USP49: variants seen among roughly 807,000 people sequenced by gnomAD.
USP49 encodes ubiquitin carboxyl-terminal hydrolase 49.
USP49 carries 24 observed loss-of-function variants against 58.6 expected under a neutral mutation model. That is an observed-to-expected ratio of 0.41 (90% CI 0.30 to 0.58). The LOEUF is 0.58. USP49 is among the 20% of genes least tolerant of loss of function. The probability of loss-of-function intolerance (pLI) is 0.30; values close to 1 mark genes in which losing one functional copy is unlikely to be tolerated. For missense variants in USP49, 703 were observed against 866.1 expected, an observed-to-expected ratio of 0.81 and a Z score of 2.36; for synonymous variants, 408 against 365.1, an observed-to-expected ratio of 1.12 and a Z score of -1.34.
At chr6:41,833,824 T>A (rs1030977894) in intron 3 of USP49, among the ~76,000 whole-genome samples, 9 of 152,216 alleles carry the variant, frequency 5.9e-5, no homozygotes, top group African/African-American at 2.2e-4. Flanking sequence ...GAAAACCCTA[T>A]TTATTAACCT....
chr6:41,891,643 AAC>A (rs112535454), intron 2 of USP49, among the ~76,000 whole-genome samples, 149 bp downstream of exon 2: 4,471 of 152,314 alleles, frequency 0.029, 106 homozygotes, highest in East Asian at 0.063. Context: ...AGAGGAAACA[AAC>A]ACATATATAG....
At chr6:41,826,658 A>C (rs1274440279) in intron 3 of USP49, among the ~76,000 whole-genome samples, 1 of 152,206 alleles carries the variant, frequency 6.6e-6, no homozygotes, top group Non-Finnish European at 1.5e-5. Context: ...AAAAAAAAAA[A>C]TACAGTGGAC....
intron 3 of USP49, among the ~76,000 whole-genome samples, chr6:41,813,109 G>C (rs1371666416): frequency 6.6e-6 from 1 of 152,144 alleles, no homozygotes; most frequent in East Asian, 1.9e-4. Context: ...TTAATTTTAA[G>C]TCACATGTGG....
At chr6:41,842,752 C>T (rs1773848958) in intron 3 of USP49, among the ~76,000 whole-genome samples, 1 of 152,008 alleles carries the variant, frequency 6.6e-6, no homozygotes, top group African/African-American at 2.4e-5. Flanking sequence ...GAATTTATTC[C>T]TGTAATACAT....
intron 2 of USP49, among the ~76,000 whole-genome samples, chr6:41,872,679 A>C (rs1774432543): frequency 6.6e-6 from 1 of 151,556 alleles, no homozygotes; most frequent in Non-Finnish European, 1.5e-5. Context: ...CGGGCGGATC[A>C]TGAGGTCAGG....
chr6:41,823,787 C>G (rs889601479), intron 3 of USP49, among the ~76,000 whole-genome samples: 1 of 152,076 alleles, frequency 6.6e-6, no homozygotes, highest in African/African-American at 2.4e-5. Flanking sequence ...GGTAATCTCT[C>G]TCAATATCCA....
Position 41,881,288 on chromosome 6 carries a change from C to CAAAAAAAAA in USP49, c.-102-9660_-102-9652dup, listed in dbSNP as rs57022965. Among the ~76,000 whole-genome samples, 183 of 20,376 alleles carry CAAAAAAAAA rather than the reference C, an allele frequency of 9.0e-3. 23 individuals carry two copies. The highest frequency in any genetic ancestry group is 0.011 in the Admixed American group (9 of 850). 13.4% of individuals were successfully genotyped at this position (20,376 alleles called of 152,430 possible). ...TGTTCAGAAATATGGCATTAAATAC[C>CAAAAAAAAA]AAAAAAAAAAAAAAAAAAAAAAAAA... On this transcript the variant is annotated intron_variant, in intron 2 of 7. Coordinates refer to ENST00000682992, the MANE Select transcript of USP49 (RefSeq NM_001286554.2).
chr6:41,807,115 T>C, intron 3 of USP49, 104 bp from the exon 4 acceptor site: 1 of 1,187,432 alleles, frequency 8.4e-7, no homozygotes, highest in Non-Finnish European at 1.1e-6. Flanking sequence ...GCAATTGATA[T>C]TTCAACTCTA....
Position 41,805,753 on chromosome 6 carries a change from CCTTGTGCAGCAGCTCGCA to C in USP49, c.1213_1230del (p.Cys405_Lys410del). ...CCCTCAGACTCGAGTTCCTGCTGCA[CCTTGTGCAGCAGCTCGCA>C]GAGAAATTCCTGCGCGTCCTGTTGG... On this transcript the variant is annotated inframe_deletion, in exon 4 of 8. Coordinates refer to ENST00000682992, the MANE Select transcript of USP49 (RefSeq NM_001286554.2). The C allele has an allele frequency of 6.2e-7, 1 of 1,614,110 alleles. No individual in the cohort carries two copies. Among genetic ancestry groups the C allele is most frequent in the Non-Finnish European group, 8.5e-7 (1 of 1,180,022 alleles).
intron 3 of USP49, among the ~76,000 whole-genome samples, chr6:41,823,765 T>C (rs940287381): frequency 6.6e-6 from 1 of 152,118 alleles, no homozygotes; most frequent in African/African-American, 2.4e-5. Flanking sequence ...CCTAACATTA[T>C]TGCAGTGTAC....
chr6:41,826,843 A>T (rs1476058824), intron 3 of USP49, among the ~76,000 whole-genome samples: 2 of 152,160 alleles, frequency 1.3e-5, no homozygotes, highest in African/African-American at 4.8e-5. Context: ...CCTGACCACA[A>T]ATTGAAGGTC....
intron 3 of USP49, chr6:41,868,615 C>T (rs1774362439): frequency 6.6e-6 from 1 of 152,280 alleles, no homozygotes; most frequent in Admixed American, 6.5e-5. Context: ...GCGTGAGCCA[C>T]TGCGCCCAGC....
chr6:41,829,969 G>A lies in USP49; in HGVS notation c.-28-22958C>T, dbSNP rs1347740404. Among the ~76,000 whole-genome samples the A allele has an allele frequency of 2.0e-5, 3 of 152,142 alleles. No individual in the cohort carries two copies. The East Asian group carries it at 5.8e-4, about 29-fold the overall frequency. ...CCTTTTAAAAATTAATATGTTGGATGATATCAGTGATGTATTTTCTGATAT... is the reference window on the plus strand; with the variant it reads ...CCTTTTAAAAATTAATATGTTGGATAATATCAGTGATGTATTTTCTGATAT... On this transcript the variant is annotated intron_variant, in intron 3 of 7. Transcript: ENST00000682992.
intron 3 of USP49, among the ~76,000 whole-genome samples, chr6:41,853,101 G>A (rs575222431): frequency 3.3e-5 from 5 of 152,220 alleles, no homozygotes; most frequent in African/African-American, 9.6e-5. Flanking sequence ...CAGGAGAATC[G>A]CTTGAACCCA....
intron 3 of USP49, among the ~76,000 whole-genome samples, chr6:41,826,592 A>T (rs974445426): frequency 1.3e-5 from 2 of 152,236 alleles, no homozygotes; most frequent in South Asian, 2.1e-4. Context: ...CATGACAATG[A>T]TATAAAATGT....
At chr6:41,895,214 C>G (rs1179324823) in intron 1 of USP49, 110 bp downstream of exon 1, 2 of 152,364 alleles carry the variant, frequency 1.3e-5, no homozygotes, top group African/African-American at 2.4e-5. Context: ...TTAGAATGGG[C>G]TCCCTGGCCG....
intron 2 of USP49, among the ~76,000 whole-genome samples, chr6:41,872,155 C>T (rs973578850): frequency 6.6e-6 from 1 of 152,136 alleles, no homozygotes; most frequent in Non-Finnish European, 1.5e-5. Flanking sequence ...ATATATTAGC[C>T]AAAGACATCT....
chr6:41,873,218 A>G (rs1013506751), intron 2 of USP49, among the ~76,000 whole-genome samples: 1 of 152,156 alleles, frequency 6.6e-6, no homozygotes, highest in Non-Finnish European at 1.5e-5. Context: ...CAGAACAGGA[A>G]TGTTTTAGTA....
At position 41,805,730 on chromosome 6, in the gene USP49, C is replaced by T. The variant is rs1324989956; in HGVS notation, c.1254G>A (p.Glu418=). Residue 418 remains glutamate (E), a synonymous_variant, in exon 4 of 8, where the codon GAG becomes GAA. Coordinates refer to ENST00000682992, the MANE Select transcript of USP49 (RefSeq NM_001286554.2). ...GGATGAGGATCCGGCGTGTGGTGCC[C>T]TCAGACTCGAGTTCCTGCTGCACCT... ...LHKVQQELES[E]GTTRRILIPF... The T allele has an allele frequency of 6.2e-7, 1 of 1,614,116 alleles. No homozygotes were observed. Among genetic ancestry groups the T allele is most frequent in the Admixed American group, 1.7e-5 (1 of 60,018 alleles).
Sources: allele counts gnomAD v4.1 joint callset (sites outside exome capture counted in the v4.1 genomes callset), GRCh38; gene constraint gnomAD v4.1.1; transcripts MANE v1.5; gene names NCBI Gene and HGNC (gene_info 2026-07-23, HGNC 2026-07-21).